Variants in PRRG3 observed in about 807,000 individuals in gnomAD.
PRRG3 encodes the protein transmembrane gamma-carboxyglutamic acid protein 3.
A neutral mutation model predicts 15.8 loss-of-function variants in PRRG3; 21 were observed. That is an observed-to-expected ratio of 1.33 (90% CI 0.94 to 1.92). The LOEUF (loss-of-function observed/expected upper bound fraction) is 1.92, where lower values mean the gene tolerates loss of function less well. PRRG3 is among the 40% of genes most tolerant of loss of function. PRRG3 has a pLI of 0.00. For missense variants in PRRG3, 251 were observed against 200.2 expected (o/e 1.25, Z -1.53); for synonymous variants, 125 against 84.1 (o/e 1.49, Z -2.66).
chrX:151,694,694 C>G (rs200630849), upstream of PRRG3, among the ~76,000 whole-genome samples: 4 of 62,381 alleles, frequency 6.4e-5, no homozygotes, highest in Non-Finnish European at 1.4e-4. Flanking sequence ...TGCAGGCTAG[C>G]CCCCCTCTCT....
intron 2 of PRRG3, among the ~76,000 whole-genome samples, chrX:151,699,707 G>A (rs148470927): frequency 1.9e-3 from 213 of 112,998 alleles, no homozygotes; most frequent in Middle Eastern, 9.2e-3. Context: ...CCTGTGCAAC[G>A]TGCACTTTCC....
rs139210617 is a variant in PRRG3 at position 151,697,967 on chromosome X, A to G, written c.-31-817A>G. ...TTAGCGTCTCAGTGTCGGGCATCTAAATTCATGTCTTGGCACTCTACTGCC... is the reference window on the plus strand; with the variant it reads ...TTAGCGTCTCAGTGTCGGGCATCTAGATTCATGTCTTGGCACTCTACTGCC... On this transcript the variant is annotated intron_variant, in intron 1 of 3. Transcript: ENST00000674457. Among the ~76,000 whole-genome samples, 241 of 110,580 alleles carry G rather than the reference A, an allele frequency of 2.2e-3. 1 individual carries two copies. The highest frequency in any genetic ancestry group is 7.3e-3 in the African/African-American group (222 of 30,381).
At position 151,702,214 on chromosome X, in the gene PRRG3, T is replaced by C. The variant is rs1248738270; in HGVS notation, c.*1181T>C. 8.9e-6 allele frequency: 1 copy of C among 112,614 alleles called. No homozygotes were observed. The highest frequency in any genetic ancestry group is 2.8e-4 in the East Asian group (1 of 3,564). The allele number at this position is 112,614 out of a possible 1,213,427, so 9.3% of individuals were successfully genotyped here. On this transcript the variant is annotated 3_prime_UTR_variant, in exon 4 of 4. Transcript: ENST00000674457. ...GTGCTTTAAAAATTGTAGCAAATTT[T>C]TGTGTGGTGCAAGAATGCATGGCCT...
At chrX:151,698,138 G>T (rs1040184881) in intron 1 of PRRG3, among the ~76,000 whole-genome samples, 2 of 111,757 alleles carry the variant, frequency 1.8e-5, no homozygotes, top group Admixed American at 1.9e-4. Flanking sequence ...ATGCAGCATT[G>T]TTGTGCATGG....
At chrX:151,698,696 G>T in intron 1 of PRRG3, 88 bp from the exon 2 acceptor site, 2 of 710,370 alleles carry the variant, frequency 2.8e-6, no homozygotes, top group South Asian at 5.4e-5. Flanking sequence ...CCACGCCAGT[G>T]GGAGGGGGGC....
intron 2 of PRRG3, 28 bp downstream of exon 2, chrX:151,698,849 C>T (rs5925008): frequency 0.35 from 418,396 of 1,186,906 alleles, 54,802 homozygotes; most frequent in Non-Finnish European, 0.4. Context: ...TGGGCAGAGC[C>T]GTGGAGGGCC....
At chrX:151,697,205 G>T in intron 1 of PRRG3, among the ~76,000 whole-genome samples, 1 of 105,429 alleles carries the variant, frequency 9.5e-6, no homozygotes, top group Non-Finnish European at 1.9e-5. Flanking sequence ...TGTAACCCAG[G>T]CTGGAGTGCA....
At chrX:151,698,514 T>C (rs1032983655) in intron 1 of PRRG3, 3 of 251,769 alleles carry the variant, frequency 1.2e-5, no homozygotes, top group Admixed American at 1.3e-4. Flanking sequence ...TTGGTTCTTA[T>C]AGATGCTCAG....
At chrX:151,698,923 A>G in intron 2 of PRRG3, 102 bp downstream of exon 2, 1 of 790,576 alleles carries the variant, frequency 1.3e-6, no homozygotes, top group Non-Finnish European at 1.9e-6. Context: ...CTACCCCCCA[A>G]GTGGGCCTGT....
Position 151,698,806 on chromosome X carries a change from G to A in PRRG3, c.-9G>A, listed in dbSNP as rs768717420. 2.5e-6 allele frequency: 3 copies of A among 1,206,308 alleles called. No homozygotes were observed. The Admixed American group carries it at 6.6e-5, about 26-fold the overall frequency. ...CAGAGAAGTGAGACCCTGCAGCTGA[G>A]GGAGCATCATGGCAGGTGAGTTTTT... On this transcript the variant is annotated 5_prime_UTR_variant, in exon 2 of 4. Coordinates refer to ENST00000674457, the MANE Select transcript of PRRG3 (RefSeq NM_001372163.1).
chrX:151,701,014 A>T lies in PRRG3; in HGVS notation c.677A>T (p.Asn226Ile). Reference sequence around the variant, plus strand: ...AAGTACGAGGAGATAGTGGCCGCCAACCCTGGCGCTGACAAGTAGTGGGAC... The same window carrying T: ...AAGTACGAGGAGATAGTGGCCGCCATCCCTGGCGCTGACAAGTAGTGGGAC... ...PPKYEEIVAA[N>I]PGADK The change falls in exon 4 of 4, where the codon AAC becomes ATC. Residue 226 changes from asparagine to isoleucine, a missense_variant. By Grantham distance (149) the Asn-to-Ile change is moderately radical. Coordinates refer to ENST00000674457, the MANE Select transcript of PRRG3 (RefSeq NM_001372163.1). The T allele has an allele frequency of 8.7e-7, 1 of 1,151,586 alleles. No individual in the cohort carries two copies. The highest frequency in any genetic ancestry group is 1.2e-6 in the Non-Finnish European group (1 of 865,053). The allele number at this position is 1,151,586 out of a possible 1,213,427, so 94.9% of individuals were successfully genotyped here.
chrX:151,701,728 G>C lies in PRRG3; in HGVS notation c.*695G>C, dbSNP rs1212321949. 8.9e-6 allele frequency: 1 copy of C among 111,954 alleles called. No individual in the cohort carries two copies. Among genetic ancestry groups the C allele is most frequent in the African/African-American group, 3.3e-5 (1 of 30,759 alleles). 9.2% of individuals were successfully genotyped at this position (111,954 alleles called of 1,213,427 possible). ...GTGTGTGAAGGATGAGGGCCAGAGG[G>C]CTGGGTGGCAGAGTTTCCTCTTCCA... On this transcript the variant is annotated 3_prime_UTR_variant, in exon 4 of 4. Transcript: ENST00000674457.
At chrX:151,694,851 A>C (rs1422229897), upstream of PRRG3, among the ~76,000 whole-genome samples, 1 of 111,207 alleles carries the variant, frequency 9.0e-6, no homozygotes, top group Non-Finnish European at 1.9e-5. Flanking sequence ...GTATCTTCCG[A>C]GGGCCCACGC....
Position 151,702,816 on chromosome X carries a change from G to T in PRRG3, c.*1783G>T, listed in dbSNP as rs908728628. 1 of 111,981 alleles carries T rather than the reference G, an allele frequency of 8.9e-6. No individual in the cohort carries two copies. Among genetic ancestry groups the T allele is most frequent in the Admixed American group, 9.4e-5 (1 of 10,584 alleles). The allele number at this position is 111,981 out of a possible 1,213,427, so 9.2% of individuals were successfully genotyped here. ...TTCCCTCCCCTGGGCCTTCAGCATT[G>T]CACTCCTGCCCTTCATCACAAAGGG... On this transcript the variant is annotated 3_prime_UTR_variant, in exon 4 of 4. Coordinates refer to ENST00000674457, the MANE Select transcript of PRRG3 (RefSeq NM_001372163.1).
At position 151,701,098 on chromosome X, in the gene PRRG3, T is replaced by G; in HGVS notation, c.*65T>G. 1.0e-6 allele frequency: 1 copy of G among 1,000,854 alleles called. No homozygotes were observed. The highest frequency in any genetic ancestry group is 3.4e-5 in the South Asian group (1 of 29,659). The allele number at this position is 1,000,854 out of a possible 1,213,427, so 82.5% of individuals were successfully genotyped here. A position where few individuals can be genotyped will look rare whatever the true frequency, so the allele number is the denominator to read the frequency against. ...CGAGGTCTCCTATTTTCTTTTTAAC[T>G]TTTTAAAGACTGTGCCACCACAAAA... On this transcript the variant is annotated 3_prime_UTR_variant, in exon 4 of 4. Coordinates refer to ENST00000674457, the MANE Select transcript of PRRG3 (RefSeq NM_001372163.1).
In PRRG3 at chrX:151,704,223, G is replaced by A. The variant is rs188072215; in HGVS notation, c.*3190G>A. The A allele has an allele frequency of 1.8e-5, 2 of 110,030 alleles. No individual in the cohort carries two copies. The highest frequency in any genetic ancestry group is 9.7e-5 in the Admixed American group (1 of 10,305). 9.1% of individuals were successfully genotyped at this position (110,030 alleles called of 1,213,427 possible). A position where few individuals can be genotyped will look rare whatever the true frequency, so the allele number is the denominator to read the frequency against. ...GTGTACACACCACCCACACAGCTGC[G>A]TCCAGCCCTGGCTGAGGGAGACGCA... On this transcript the variant is annotated 3_prime_UTR_variant, in exon 4 of 4. Transcript: ENST00000674457.
Position 151,704,335 on chromosome X carries a change from A to C in PRRG3, c.*3302A>C. 1 of 111,091 alleles carries C rather than the reference A, an allele frequency of 9.0e-6. No individual in the cohort carries two copies. The highest frequency in any genetic ancestry group is 1.9e-5 in the Non-Finnish European group (1 of 53,000). 9.2% of individuals were successfully genotyped at this position (111,091 alleles called of 1,213,427 possible). A position where few individuals can be genotyped will look rare whatever the true frequency, so the allele number is the denominator to read the frequency against. ...TGAATTCCTTAGGGTGCTTCCAAAA[A>C]CAGGAGTCTGCCTGATCTGTTGGAC... On this transcript the variant is annotated 3_prime_UTR_variant, in exon 4 of 4. Coordinates refer to ENST00000674457, the MANE Select transcript of PRRG3 (RefSeq NM_001372163.1).
rs927183744 is a variant in PRRG3 at position 151,704,379 on chromosome X, C to T, written c.*3346C>T. 40 of 111,277 alleles carry T rather than the reference C, an allele frequency of 3.6e-4. No homozygotes were observed. Among genetic ancestry groups the T allele is most frequent in the African/African-American group, 1.3e-3 (39 of 30,530 alleles). The allele number at this position is 111,277 out of a possible 1,213,427, so 9.2% of individuals were successfully genotyped here. On this transcript the variant is annotated 3_prime_UTR_variant, in exon 4 of 4. Transcript: ENST00000674457. ...GTTGGACATTGCCTTTTTGGTAGCC[C>T]GAATATGAGGAATTCAGGACAGGAA...
chrX:151,698,632 G>A lies in PRRG3; in HGVS notation c.-31-152G>A, dbSNP rs759683623. 2.9e-4 allele frequency: 112 copies of A among 387,251 alleles called. 1 individual carries two copies. The highest frequency in any genetic ancestry group is 2.4e-3 in the African/African-American group (95 of 39,090). The allele number at this position is 387,251 out of a possible 1,213,427, so 31.9% of individuals were successfully genotyped here. A position where few individuals can be genotyped will look rare whatever the true frequency, so the allele number is the denominator to read the frequency against. ...CAGAATGAGAAGCAGCGGAAGCCAT[G>A]GGTGGCTGCATGGAGGACGACGCAC... On this transcript the variant is annotated intron_variant, in intron 1 of 3. Coordinates refer to ENST00000674457, the MANE Select transcript of PRRG3 (RefSeq NM_001372163.1).
Sources: gnomAD v4.1 joint callset for allele counts (sites outside exome capture counted in the v4.1 genomes callset) on GRCh38, gnomAD v4.1.1 for gene constraint, MANE v1.5 for transcripts, NCBI Gene and HGNC (gene_info 2026-07-23, HGNC 2026-07-21) for gene names.